The following XIRP2 variants were observed in gnomAD, a reference collection of about 807,000 sequenced individuals.
XIRP2 encodes xin actin binding repeat containing 2.
XIRP2 carries 236 observed loss-of-function variants against 277.0 expected under a neutral mutation model. The ratio of observed to expected loss-of-function variants is 0.85; its 90% CI spans 0.77 to 0.95. The LOEUF (loss-of-function observed/expected upper bound fraction) is 0.95. Ranked by LOEUF, XIRP2 falls within the 40% of genes least tolerant of loss-of-function variation. XIRP2 has a pLI of 0.00. For synonymous variants in XIRP2, 1,490 were observed against 1,416.5 expected (o/e 1.05, Z -1.17); for missense variants, 4,640 against 4,157.5 (o/e 1.12, Z -3.19).
At position 167,248,779 on chromosome 2, in the gene XIRP2, C is replaced by G. The variant is rs747337759; in HGVS notation, c.7387C>G (p.Gln2463Glu). 1.9e-6 allele frequency: 3 copies of G among 1,613,458 alleles called. No individual in the cohort carries two copies. The African/African-American group carries it at 4.0e-5, about 22-fold the overall frequency. ...MECKITTSKDQKKVMVMTSSE... is the reference protein window; with the variant it reads ...MECKITTSKDEKKVMVMTSSE... ...ATGTAAAATTACTACCTCAAAGGAT[C>G]AGAAAAAAGTAATGGTGATGACCAG... The change falls in exon 9 of 11, where the codon CAG becomes GAG. Residue 2463 changes from glutamine to glutamate, a missense_variant. Gln to Glu is a conservative substitution (Grantham distance 29, BLOSUM62 2). Coordinates refer to ENST00000409195, the MANE Select transcript of XIRP2 (RefSeq NM_152381.6).
At chr2:167,063,859 A>G (rs1236627574) in intron 2 of XIRP2, among the ~76,000 whole-genome samples, 2 of 151,586 alleles carry the variant, frequency 1.3e-5, no homozygotes, top group Admixed American at 6.6e-5. Flanking sequence ...AACAATATAT[A>G]GTTGGGTTTT....
intron 2 of XIRP2, among the ~76,000 whole-genome samples, chr2:167,023,871 A>G (rs929873081): frequency 1.3e-5 from 2 of 152,068 alleles, no homozygotes; most frequent in South Asian, 4.2e-4. Context: ...TTGTAGTATA[A>G]TTTGAAGTCA....
rs1311678293 is a variant in XIRP2 at position 167,256,730 on chromosome 2, TA to T, written c.*40-1122del. 2.0e-5 allele frequency among the ~76,000 whole-genome samples: 3 copies of T among 151,950 alleles called. No homozygotes were observed. In the East Asian group the frequency reaches 5.8e-4, roughly 29 times the overall value. ...TTAGTTTTCCCAAACCTTAGAAGGA[TA>T]AAAATCAGGATGGTTTTTCTAACTT... On this transcript the variant is annotated intron_variant, in intron 10 of 10. Coordinates refer to ENST00000409195, the MANE Select transcript of XIRP2 (RefSeq NM_152381.6).
chr2:167,234,313 A>G (rs1184987579), intron 5 of XIRP2, among the ~76,000 whole-genome samples: 2 of 151,414 alleles, frequency 1.3e-5, no homozygotes, highest in African/African-American at 4.8e-5. Context: ...ATATATCTGC[A>G]TAATTCATGC....
intron 2 of XIRP2, among the ~76,000 whole-genome samples, chr2:167,058,191 T>C (rs967844552): frequency 1.3e-5 from 2 of 151,954 alleles, no homozygotes; most frequent in South Asian, 4.2e-4. Context: ...GCCTCCTGAG[T>C]AGCTGGGACT....
At chr2:167,102,442 C>A (rs1416134691) in intron 2 of XIRP2, among the ~76,000 whole-genome samples, 2 of 152,112 alleles carry the variant, frequency 1.3e-5, no homozygotes, top group Non-Finnish European at 2.9e-5. Flanking sequence ...TGCATATAAG[C>A]AACTTGACAT....
At chr2:166,950,881 T>A (rs1259355115) in intron 2 of XIRP2, among the ~76,000 whole-genome samples, 8 of 152,040 alleles carry the variant, frequency 5.3e-5, no homozygotes, top group Non-Finnish European at 1.5e-5. Flanking sequence ...GTTCAATCAT[T>A]TGATCATTAA....
chr2:166,911,289 G>A (rs1376191703), intron 2 of XIRP2, among the ~76,000 whole-genome samples: 2 of 152,186 alleles, frequency 1.3e-5, no homozygotes, highest in Non-Finnish European at 2.9e-5. Flanking sequence ...TTATGAATCT[G>A]GGTGCTCCTG....
chr2:167,201,333 G>GAAGA, intron 3 of XIRP2, among the ~76,000 whole-genome samples: 1 of 151,520 alleles, frequency 6.6e-6, no homozygotes. Flanking sequence ...AGGAAGGAAG[G>GAAGA]AAGGAAGGAA....
At chr2:167,177,617 A>G (rs980633497) in intron 3 of XIRP2, among the ~76,000 whole-genome samples, 17 of 152,202 alleles carry the variant, frequency 1.1e-4, no homozygotes. Flanking sequence ...TTTTAAAGTC[A>G]GTTAAATATT....
chr2:167,029,807 A>G (rs1688284369), intron 2 of XIRP2, among the ~76,000 whole-genome samples: 1 of 152,138 alleles, frequency 6.6e-6, no homozygotes, highest in Non-Finnish European at 1.5e-5. Flanking sequence ...TACCTCTGGT[A>G]GAATTCGGCT....
chr2:167,060,873 T>C (rs540613310), intron 2 of XIRP2, among the ~76,000 whole-genome samples: 1 of 152,296 alleles, frequency 6.6e-6, no homozygotes, highest in African/African-American at 2.4e-5. Context: ...CATTTTCATA[T>C]ATTTGTTAGA....
At chr2:167,195,947 A>T (rs192907086) in intron 3 of XIRP2, among the ~76,000 whole-genome samples, 7 of 152,110 alleles carry the variant, frequency 4.6e-5, no homozygotes. Flanking sequence ...CCCCCGTATC[A>T]CTCTGCCCCC....
rs2105348597 is a variant in XIRP2, at chr2:167,170,670, C to G, written c.562+34608C>G. 2.0e-5 allele frequency among the ~76,000 whole-genome samples: 3 copies of G among 152,128 alleles called. No homozygotes were observed. In the South Asian group the frequency reaches 6.2e-4, roughly 32 times the overall value. On this transcript the variant is annotated intron_variant, in intron 3 of 10. Transcript: ENST00000409195. ...AGTGACGTTCAATATTTCAGTCCTA[C>G]TACTGATAATTTCTATTTTCTCCTC...
intron 2 of XIRP2, among the ~76,000 whole-genome samples, chr2:167,020,291 G>A (rs1174032725): frequency 1.3e-5 from 2 of 151,888 alleles, no homozygotes; most frequent in Non-Finnish European, 2.9e-5. Flanking sequence ...TACTTAAATA[G>A]TAACAAATAA....
intron 2 of XIRP2, among the ~76,000 whole-genome samples, chr2:167,087,549 C>T (rs936676899): frequency 9.2e-5 from 14 of 152,298 alleles, no homozygotes; most frequent in Admixed American, 3.9e-4. Flanking sequence ...GCCTCGCTGC[C>T]GCCTTGCAGT....
Position 167,258,645 on chromosome 2 carries a change from A to G in XIRP2, c.*828A>G. On this transcript the variant is annotated 3_prime_UTR_variant, in exon 11 of 11. Transcript: ENST00000409195. Reference sequence around the variant, plus strand: ...GATGATGAGATGATGCCAGAAAATCATAAAGAAAATTTGAATAAGAATAAT... The same window carrying G: ...GATGATGAGATGATGCCAGAAAATCGTAAAGAAAATTTGAATAAGAATAAT... 6.2e-7 allele frequency: 1 copy of G among 1,611,886 alleles called. No homozygotes were observed.
intron 2 of XIRP2, among the ~76,000 whole-genome samples, chr2:167,026,665 C>G (rs1688170437): frequency 6.6e-6 from 1 of 152,166 alleles, no homozygotes; most frequent in African/African-American, 2.4e-5. Flanking sequence ...GAGAAAATCT[C>G]TCAGCATTTG....
At position 166,891,105 on chromosome 2, in the gene XIRP2, A is replaced by C. The variant is rs547661555; in HGVS notation, c.-19+2548A>C. ...TTAGTTAGATGAGATCAGTAAGTTA[A>C]AGAACTGTTAAATTTGTGTTTTCCT... On this transcript the variant is annotated intron_variant, in intron 1 of 10. Coordinates refer to ENST00000409195, the MANE Select transcript of XIRP2 (RefSeq NM_152381.6). Among the ~76,000 whole-genome samples, 15 of 152,296 alleles carry C rather than the reference A, an allele frequency of 9.8e-5. No individual in the cohort carries two copies. The South Asian group carries it at 3.1e-3, about 32-fold the overall frequency.
Sources: gnomAD v4.1 joint callset for allele counts (sites outside exome capture counted in the v4.1 genomes callset) on GRCh38, gnomAD v4.1.1 for gene constraint, MANE v1.5 for transcripts, NCBI Gene and HGNC (gene_info 2026-07-23, HGNC 2026-07-21) for gene names.